Variants in UGT2A2 observed in about 807,000 individuals in gnomAD.
UGT2A2 encodes the protein UDP glucuronosyltransferase family 2 member A2.
Under a neutral mutation model 50.7 loss-of-function variants are expected in UGT2A2, and 60 were observed. The ratio of observed to expected loss-of-function variants is 1.18; its 90% CI spans 0.96 to 1.47. The LOEUF (loss-of-function observed/expected upper bound fraction) is 1.47. UGT2A2 is among the 40% of genes most tolerant of loss of function. UGT2A2 has a pLI of 0.00. For missense variants in UGT2A2, 762 were observed against 634.0 expected (o/e 1.20, Z -2.17); for synonymous variants, 242 against 214.6 (o/e 1.13, Z -1.11).
chr4:69,591,610 A>C (rs573875721), intron 5 of UGT2A2, among the ~76,000 whole-genome samples: 6 of 152,224 alleles, frequency 3.9e-5, no homozygotes, highest in Admixed American at 3.9e-4. Context: ...TTTGACCCTC[A>C]TTTCCCATCA....
intron 1 of UGT2A2, among the ~76,000 whole-genome samples, chr4:69,608,756 C>T (rs540354190): frequency 1.4e-4 from 22 of 151,962 alleles, no homozygotes; most frequent in African/African-American, 3.1e-4. Context: ...AGTGCAGTGG[C>T]GCCATCTCAG....
chr4:69,596,253 C>T lies in UGT2A2; in HGVS notation c.1020G>A (p.Gln340=), dbSNP rs1007072892. ...LIASALAQIP[Q]KVLWRYKGKK... is the part of the protein sequence containing the mutation. Reference sequence around the variant, plus strand: ...CAGGATTCCAGGCTGTACTGACCTTCTGTGGAATCTGGGCAAGGGCTGAGG... The same window carrying T: ...CAGGATTCCAGGCTGTACTGACCTTTTGTGGAATCTGGGCAAGGGCTGAGG... Residue 340 remains glutamine (Q), a synonymous_variant, in exon 3 of 6, where the codon CAG becomes CAA. Coordinates refer to ENST00000604629, the MANE Select transcript of UGT2A2 (RefSeq NM_001105677.2). 15 of 1,576,530 alleles carry T rather than the reference C, an allele frequency of 9.5e-6. No homozygotes were observed. The Admixed American group carries it at 2.2e-4, about 23-fold the overall frequency.
Position 69,625,480 on chromosome 4 carries a change from T to C in UGT2A2, c.742+13419A>G, listed in dbSNP as rs758711707. 9.3e-4 allele frequency among the ~76,000 whole-genome samples: 141 copies of C among 151,444 alleles called. 1 individual carries two copies. The highest frequency in any genetic ancestry group is 1.7e-3 in the Non-Finnish European group (118 of 67,478). ...GATTATTTCTCTTTATTTTTCATTT[T>C]GTATAGTTTCTATTACTATATCTTT... On this transcript the variant is annotated intron_variant, in intron 1 of 5. Transcript: ENST00000604629.
At chr4:69,608,353 A>C (rs1030168686) in intron 1 of UGT2A2, among the ~76,000 whole-genome samples, 1 of 146,020 alleles carries the variant, frequency 6.8e-6, no homozygotes, top group Non-Finnish European at 1.5e-5. Flanking sequence ...TCTCACTCAT[A>C]GGAGGGAATT....
intron 1 of UGT2A2, among the ~76,000 whole-genome samples, chr4:69,618,387 T>C (rs2109931444): frequency 6.6e-6 from 1 of 151,970 alleles, no homozygotes; most frequent in East Asian, 1.9e-4. Flanking sequence ...CCACTACAGG[T>C]TGGCAAAAGG....
chr4:69,633,814 G>A (rs780143742), intron 1 of UGT2A2, among the ~76,000 whole-genome samples: 1 of 152,098 alleles, frequency 6.6e-6, no homozygotes, highest in Non-Finnish European at 1.5e-5. Flanking sequence ...ACTGATAAGC[G>A]GATGAAAGAG....
chr4:69,618,771 T>C (rs1032640548), intron 1 of UGT2A2, among the ~76,000 whole-genome samples: 5 of 152,038 alleles, frequency 3.3e-5, no homozygotes, highest in South Asian at 2.1e-4. Flanking sequence ...AATACCTTTA[T>C]TGGTTAAAAA....
chr4:69,615,358 T>G (rs993519245), intron 1 of UGT2A2, among the ~76,000 whole-genome samples: 3 of 151,858 alleles, frequency 2.0e-5, no homozygotes, highest in African/African-American at 7.3e-5. Flanking sequence ...AAAGCAAAAA[T>G]GGACAGATGG....
Position 69,596,340 on chromosome 4 carries a change from A to T in UGT2A2, c.933T>A (p.Val311=). The change falls in exon 3 of 6, where the codon GTT becomes GTA. Residue 311 remains valine, a synonymous_variant. Transcript: ENST00000604629. ...EFIQSSGKNG[V]VVFSLGSMVK... ...CCATTGATCCCAGAGAAAACACCAC[A>T]ACACCATTTTTACCTGAGCTCTGGA... 1 of 1,606,218 alleles carries T rather than the reference A, an allele frequency of 6.2e-7. No individual in the cohort carries two copies. Among genetic ancestry groups the T allele is most frequent in the South Asian group, 1.1e-5 (1 of 90,014 alleles).
rs375085191 is a variant in UGT2A2 at position 69,596,245 on chromosome 4, C to T, written c.1023+5G>A. On this transcript the variant is annotated splice_donor_5th_base_variant and intron_variant, in intron 3 of 5. Coordinates refer to ENST00000604629, the MANE Select transcript of UGT2A2 (RefSeq NM_001105677.2). The stretch of plus-strand genomic sequence containing the variant: ...CTGTGTACCAGGATTCCAGGCTGTA[C>T]TGACCTTCTGTGGAATCTGGGCAAG... The T allele has an allele frequency of 1.0e-5, 16 of 1,567,964 alleles. No individual in the cohort carries two copies. The highest frequency in any genetic ancestry group is 1.1e-5 in the Non-Finnish European group (13 of 1,157,368).
intron 1 of UGT2A2, among the ~76,000 whole-genome samples, chr4:69,617,137 T>C (rs991041330): frequency 6.6e-6 from 1 of 151,956 alleles, no homozygotes; most frequent in African/African-American, 2.4e-5. Context: ...TATTCAACAA[T>C]AAACTATGTG....
At chr4:69,617,848 T>C (rs1404522985) in intron 1 of UGT2A2, among the ~76,000 whole-genome samples, 2 of 151,836 alleles carry the variant, frequency 1.3e-5, no homozygotes, top group African/African-American at 4.8e-5. Context: ...GGGCAATAAT[T>C]GTCTTATGTA....
In UGT2A2 at chr4:69,596,319, T is replaced by C. The variant is rs769913866; in HGVS notation, c.954A>G (p.Ser318=). 5 of 1,609,032 alleles carry C rather than the reference T, an allele frequency of 3.1e-6. No homozygotes were observed. The Admixed American group carries it at 8.4e-5, about 27-fold the overall frequency. ...KNGVVVFSLG[S]MVKNLTEEKA... ...TTTCTTCTGTAAGGTTTTTGACCAT[T>C]GATCCCAGAGAAAACACCACAACAC... is the stretch of plus-strand genomic sequence containing the variant. Residue 318 remains serine (S), a synonymous_variant, in exon 3 of 6, where the codon TCA becomes TCG. Transcript: ENST00000604629.
rs67327460 is a variant in UGT2A2, at chr4:69,589,530, C to T, written c.1453G>A (p.Val485Ile). The T allele has an allele frequency of 0.022, 35,578 of 1,614,056 alleles. 461 individuals carry two copies. Among genetic ancestry groups the T allele is most frequent in the Non-Finnish European group, 0.026 (30,092 of 1,179,978 alleles). The part of the protein sequence containing the change: ...MRHKGAKHLR[V>I]AAHDLTWFQY... ...AACCAGGTGAGGTCATGGGCTGCAA[C>T]CCGAAGGTGCTTGGCTCCTTTGTGG... The change falls in exon 6 of 6, where the codon GTT becomes ATT. Residue 485 changes from valine (V) to isoleucine (I), a missense_variant. Physicochemically the swap from Val to Ile is conservative, Grantham distance 29 (BLOSUM62 3). Coordinates refer to ENST00000604629, the MANE Select transcript of UGT2A2 (RefSeq NM_001105677.2).
chr4:69,613,526 A>C (rs1720191610), intron 1 of UGT2A2, among the ~76,000 whole-genome samples: 1 of 152,046 alleles, frequency 6.6e-6, no homozygotes, highest in Non-Finnish European at 1.5e-5. Flanking sequence ...AGTAACAACA[A>C]CAACAACTAC....
At chr4:69,637,519 G>T (rs574525417) in intron 1 of UGT2A2, among the ~76,000 whole-genome samples, 1 of 152,162 alleles carries the variant, frequency 6.6e-6, no homozygotes, top group African/African-American at 2.4e-5. Flanking sequence ...ACTCCTAAAA[G>T]GCTTTTCCTC....
chr4:69,618,186 C>CAT (rs1408080793), intron 1 of UGT2A2, among the ~76,000 whole-genome samples: 1 of 51,150 alleles, frequency 2.0e-5, no homozygotes, highest in Non-Finnish European at 3.9e-5. Flanking sequence ...GGCCAGTAAG[C>CAT]ATGTGTGTGT....
chr4:69,610,621 G>A (rs113341300), intron 1 of UGT2A2, among the ~76,000 whole-genome samples: 2 of 152,246 alleles, frequency 1.3e-5, no homozygotes, highest in African/African-American at 4.8e-5. Context: ...GGCCTTTAGA[G>A]ATAATTAAGC....
rs138955942 is a variant in UGT2A2 at position 69,607,976 on chromosome 4, T to G, written c.743-8582A>C. ...AACACTTTTACACTGTTGGTGGGAC[T>G]GTAAACTAGTTCAATCATTGTGGAA... On this transcript the variant is annotated intron_variant, in intron 1 of 5. Coordinates refer to ENST00000604629, the MANE Select transcript of UGT2A2 (RefSeq NM_001105677.2). Among the ~76,000 whole-genome samples, 1,262 of 152,324 alleles carry G rather than the reference T, an allele frequency of 8.3e-3. 23 individuals carry two copies. Among genetic ancestry groups the G allele is most frequent in the African/African-American group, 0.027 (1,135 of 41,562 alleles).
Sources: allele counts gnomAD v4.1 joint callset (sites outside exome capture counted in the v4.1 genomes callset), GRCh38; gene constraint gnomAD v4.1.1; transcripts MANE v1.5; gene names NCBI Gene and HGNC (gene_info 2026-07-23, HGNC 2026-07-21).